The following CDH4 variants were observed in gnomAD, a reference collection of about 807,000 sequenced individuals.
CDH4 encodes the protein cadherin 4.
CDH4 carries 33 observed loss-of-function variants against 86.0 expected under a neutral mutation model. That is an observed-to-expected ratio of 0.38 (90% CI 0.29 to 0.51). CDH4 has a LOEUF of 0.51. Ranked by LOEUF, CDH4 falls within the 20% of genes least tolerant of loss-of-function variation. CDH4 has a pLI of 0.86. For missense variants in CDH4, 1,114 were observed against 1,307.4 expected (o/e 0.85, Z 2.28); for synonymous variants, 555 against 549.4 (o/e 1.01, Z -0.14).
intron 2 of CDH4, among the ~76,000 whole-genome samples, chr20:61,324,668 A>T (rs558982063): frequency 6.6e-6 from 1 of 152,178 alleles, no homozygotes; most frequent in African/African-American, 2.4e-5. Flanking sequence ...GCACCTTCTG[A>T]GTTTCCAGAG....
At chr20:61,700,681 C>A (rs1467622756) in intron 2 of CDH4, among the ~76,000 whole-genome samples, 1 of 151,918 alleles carries the variant, frequency 6.6e-6, no homozygotes, top group Non-Finnish European at 1.5e-5. Context: ...CCCCATACGG[C>A]CTCCCTGTGG....
At position 61,480,241 on chromosome 20, in the gene CDH4, C is replaced by G. The variant is rs996463107; in HGVS notation, c.169+225304C>G. 1.3e-5 allele frequency among the ~76,000 whole-genome samples: 2 copies of G among 152,150 alleles called. No homozygotes were observed. The highest frequency in any genetic ancestry group is 4.8e-5 in the African/African-American group (2 of 41,424). ...TTCCACCCCAGGAGGACCCCAGGCT[C>G]CCCCTCTCGTGGTAGCCTGGAAACT... On this transcript the variant is annotated intron_variant, in intron 2 of 15. Transcript: ENST00000614565. This position sits in a 1 kb window ranked among gnomAD's most constrained non-coding sequence, Gnocchi z 5.2.
intron 2 of CDH4, among the ~76,000 whole-genome samples, chr20:61,433,409 T>C (rs1222072696): frequency 1.3e-5 from 2 of 152,188 alleles, no homozygotes; most frequent in African/African-American, 4.8e-5. Context: ...TCTTGAAATC[T>C]GGTAGCGTCA....
intron 4 of CDH4, among the ~76,000 whole-genome samples, chr20:61,813,346 C>A (rs770792603): frequency 2.0e-5 from 3 of 152,172 alleles, no homozygotes; most frequent in Non-Finnish European, 2.9e-5. Context: ...ACTTAGCTAC[C>A]AAGCACTGGG....
At chr20:61,353,138 G>T (rs759987896) in intron 2 of CDH4, among the ~76,000 whole-genome samples, 8 of 152,150 alleles carry the variant, frequency 5.3e-5, no homozygotes, top group African/African-American at 1.9e-4. Flanking sequence ...TTCGCTTCTG[G>T]TGTTGGCTCT....
chr20:61,920,843 T>C (rs2054972292), intron 9 of CDH4, among the ~76,000 whole-genome samples: 1 of 113,542 alleles, frequency 8.8e-6, no homozygotes, highest in African/African-American at 3.0e-5. Flanking sequence ...CGTGGTGTGA[T>C]TGCATGGAAG....
chr20:61,254,508 C>T (rs563472841), intron 1 of CDH4, among the ~76,000 whole-genome samples: 34 of 152,314 alleles, frequency 2.2e-4, no homozygotes, highest in African/African-American at 8.2e-4. Flanking sequence ...CTGTCTCTGC[C>T]TTTTGGTCAT....
chr20:61,425,457 AG>A (rs2085207483), intron 2 of CDH4, among the ~76,000 whole-genome samples: 1 of 151,932 alleles, frequency 6.6e-6, no homozygotes, highest in African/African-American at 2.4e-5. Flanking sequence ...GGGGCTGGGG[AG>A]GTGAAGGAAA....
chr20:61,705,010 A>G (rs1009986043), intron 2 of CDH4, among the ~76,000 whole-genome samples: 10 of 152,194 alleles, frequency 6.6e-5, no homozygotes, highest in African/African-American at 2.4e-4. Flanking sequence ...AGCTGGACCC[A>G]GGAACGCGTT....
intron 2 of CDH4, among the ~76,000 whole-genome samples, chr20:61,590,722 C>T (rs140342560): frequency 3.3e-5 from 5 of 152,144 alleles, no homozygotes; most frequent in East Asian, 1.9e-4. Context: ...GAGTCAGAGA[C>T]GGGACTGCAG....
intron 2 of CDH4, among the ~76,000 whole-genome samples, chr20:61,365,174 G>A (rs941436387): frequency 2.6e-5 from 4 of 152,210 alleles, no homozygotes; most frequent in African/African-American, 9.6e-5. Flanking sequence ...AAGAGTCCAA[G>A]GTAGGTCATC....
chr20:61,334,140 C>G (rs2084603655), intron 2 of CDH4, among the ~76,000 whole-genome samples: 1 of 152,200 alleles, frequency 6.6e-6, no homozygotes, highest in South Asian at 2.1e-4. Flanking sequence ...GGGCCACCCC[C>G]TCTGAGGGCC....
chr20:61,818,700 A>G (rs1329027846), intron 4 of CDH4, among the ~76,000 whole-genome samples: 1 of 151,312 alleles, frequency 6.6e-6, no homozygotes, highest in African/African-American at 2.4e-5. Context: ...TAAAAAAAAA[A>G]AAAAAGCGGG....
rs528551581 is a variant in CDH4 at position 61,786,734 on chromosome 20, C to T, written c.576+13552C>T. Among the ~76,000 whole-genome samples, 3 of 152,276 alleles carry T rather than the reference C, an allele frequency of 2.0e-5. No individual in the cohort carries two copies. In the South Asian group the frequency reaches 6.2e-4, roughly 32 times the overall value. On this transcript the variant is annotated intron_variant, in intron 4 of 15. Transcript: ENST00000614565. Reference sequence around the variant, plus strand: ...GGGATTTAATTTTGTCACTGAATTGCTGGAGCACCCTCTGTGAACAGGTGT... The same window carrying T: ...GGGATTTAATTTTGTCACTGAATTGTTGGAGCACCCTCTGTGAACAGGTGT...
Position 61,844,665 on chromosome 20 carries a change from C to T in CDH4, c.577-3C>T. 1.2e-6 allele frequency: 2 copies of T among 1,608,312 alleles called. No individual in the cohort carries two copies. The highest frequency in any genetic ancestry group is 1.7e-6 in the Non-Finnish European group (2 of 1,175,716). The stretch of plus-strand genomic sequence containing the variant: ...CTCTTCTCGCTTTGCTCCTGCCTTT[C>T]AGATCCGGTCCGACAAAGACAATGA... On this transcript the variant is annotated splice_region_variant and splice_polypyrimidine_tract_variant and intron_variant, in intron 4 of 15. Transcript: ENST00000614565.
chr20:61,379,651 T>C (rs954783494), intron 2 of CDH4, among the ~76,000 whole-genome samples: 15 of 151,940 alleles, frequency 9.9e-5, no homozygotes, highest in African/African-American at 3.4e-4. Context: ...GGGAGGGAGG[T>C]TACTGAAATG....
At chr20:61,615,950 G>T (rs898168807) in intron 2 of CDH4, among the ~76,000 whole-genome samples, 1 of 152,180 alleles carries the variant, frequency 6.6e-6, no homozygotes, top group Admixed American at 6.5e-5. Flanking sequence ...TGTCTGAGAG[G>T]CCAAGAGAGC....
At chr20:61,695,587 A>G (rs920375790) in intron 2 of CDH4, among the ~76,000 whole-genome samples, 24 of 152,242 alleles carry the variant, frequency 1.6e-4, no homozygotes, top group Admixed American at 7.2e-4. Context: ...GGACCTTGTG[A>G]GGTTCCACAT....
chr20:61,292,309 T>G (rs914543241), intron 2 of CDH4, among the ~76,000 whole-genome samples: 1 of 152,244 alleles, frequency 6.6e-6, no homozygotes, highest in African/African-American at 2.4e-5. Flanking sequence ...GCCAGTTTCC[T>G]TTTCTGTAAG....
Sources: gnomAD v4.1 joint callset for allele counts (sites outside exome capture counted in the v4.1 genomes callset) on GRCh38, gnomAD v4.1.1 for gene constraint, Gnocchi (gnomAD v3.1) non-coding constraint, MANE v1.5 for transcripts, NCBI Gene and HGNC (gene_info 2026-07-23, HGNC 2026-07-21) for gene names.